STAM2: variants seen among roughly 807,000 people sequenced by gnomAD.
The protein encoded by STAM2 is signal transducing adaptor molecule 2.
A neutral mutation model predicts 65.6 loss-of-function variants in STAM2; 51 were observed. The ratio of observed to expected loss-of-function variants is 0.78; its 90% confidence interval spans 0.62 to 0.98. The LOEUF is 0.98. Ranked by LOEUF, STAM2 falls within the 50% of genes least tolerant of loss-of-function variation. The pLI is 0.00. For missense variants in STAM2, 584 were observed against 617.8 expected (o/e 0.95, Z 0.58); for synonymous variants, 198 against 208.4 (o/e 0.95, Z 0.43).
chr2:152,163,662 G>A (rs1292603489), intron 1 of STAM2, among the ~76,000 whole-genome samples: 1 of 152,208 alleles, frequency 6.6e-6, no homozygotes, highest in Non-Finnish European at 1.5e-5. Flanking sequence ...ATAAACAGAT[G>A]TGCAAGTAGG....
At chr2:152,173,728 G>A (rs975869751) in intron 1 of STAM2, among the ~76,000 whole-genome samples, 1 of 152,092 alleles carries the variant, frequency 6.6e-6, no homozygotes, top group African/African-American at 2.4e-5. Context: ...GAAATGAAAA[G>A]TTTTAAGATA....
chr2:152,164,105 G>A (rs1414539327), intron 1 of STAM2, among the ~76,000 whole-genome samples: 2 of 152,132 alleles, frequency 1.3e-5, no homozygotes, highest in East Asian at 3.9e-4. Flanking sequence ...TGCAGCTCTG[G>A]TGGGGCATTA....
intron 5 of STAM2, 114 bp downstream of exon 5, chr2:152,147,048 T>G: frequency 1.0e-6 from 1 of 986,012 alleles, no homozygotes; most frequent in Non-Finnish European, 1.4e-6. Flanking sequence ...AGAGAGTCAT[T>G]TGGGAAGTAA....
chr2:152,132,000 A>C, intron 11 of STAM2, 114 bp downstream of exon 11: 2 of 643,488 alleles, frequency 3.1e-6, no homozygotes, highest in East Asian at 3.1e-5. Context: ...GAAACTGAAA[A>C]ACAATTTCCA....
chr2:152,170,695 C>T (rs1689882650), intron 1 of STAM2, among the ~76,000 whole-genome samples: 1 of 152,050 alleles, frequency 6.6e-6, no homozygotes, highest in African/African-American at 2.4e-5. Context: ...GAATAACTCT[C>T]ACGAAGAAAT....
intron 1 of STAM2, among the ~76,000 whole-genome samples, chr2:152,159,385 T>TC (rs1689617165): frequency 6.6e-6 from 1 of 151,846 alleles, no homozygotes; most frequent in South Asian, 2.1e-4. Context: ...TGAGTAGAAT[T>TC]AATTTGCATA....
At chr2:152,134,313 C>A (rs1689114440) in intron 8 of STAM2, among the ~76,000 whole-genome samples, 1 of 152,104 alleles carries the variant, frequency 6.6e-6, no homozygotes, top group South Asian at 2.1e-4. Flanking sequence ...TACTCTCCAG[C>A]CTATGTCAAG....
chr2:152,170,482 CA>C (rs111603376), intron 1 of STAM2, among the ~76,000 whole-genome samples: 47,287 of 101,698 alleles, frequency 0.46, 8,076 homozygotes, highest in East Asian at 0.81. Context: ...GACTCCGTCT[CA>C]AAAAAAAAAA....
intron 7 of STAM2, among the ~76,000 whole-genome samples, chr2:152,136,764 A>T (rs191892420): frequency 1.1e-4 from 17 of 152,266 alleles, no homozygotes; most frequent in Non-Finnish European, 7.4e-5. Flanking sequence ...ATTTAGGTTG[A>T]TTCCAGTCTT....
intron 1 of STAM2, among the ~76,000 whole-genome samples, chr2:152,158,258 C>T (rs781557336): frequency 1.3e-5 from 2 of 152,192 alleles, no homozygotes; most frequent in African/African-American, 2.4e-5. Flanking sequence ...GGGTGGATCA[C>T]GAGGTCAAGA....
At chr2:152,164,673 T>C (rs1163149154) in intron 1 of STAM2, among the ~76,000 whole-genome samples, 1 of 152,108 alleles carries the variant, frequency 6.6e-6, no homozygotes, top group Non-Finnish European at 1.5e-5. Context: ...CATATAATAA[T>C]ACAATATATT....
At chr2:152,140,023 A>G (rs571091305) in intron 7 of STAM2, among the ~76,000 whole-genome samples, 2 of 152,316 alleles carry the variant, frequency 1.3e-5, no homozygotes, top group African/African-American at 4.8e-5. Flanking sequence ...GCATCTGTGG[A>G]TTTTGGTATC....
chr2:152,132,623 T>C (rs1160645100), intron 10 of STAM2, among the ~76,000 whole-genome samples: 1 of 152,138 alleles, frequency 6.6e-6, no homozygotes, highest in Non-Finnish European at 1.5e-5. Flanking sequence ...CAACGCTGTA[T>C]TCTATATTCA....
At chr2:152,147,037 TAG>T (rs879393817) in intron 5 of STAM2, 123 bp downstream of exon 5, 1 of 888,936 alleles carries the variant, frequency 1.1e-6, no homozygotes, top group South Asian at 2.2e-5. Flanking sequence ...GGCACTATGC[TAG>T]AGAGTCATTT....
intron 1 of STAM2, among the ~76,000 whole-genome samples, chr2:152,161,255 A>G (rs1447786524): frequency 6.6e-6 from 1 of 151,264 alleles, no homozygotes; most frequent in Non-Finnish European, 1.5e-5. Flanking sequence ...GAATGGATTA[A>G]GGGCGGTGCA....
At chr2:152,155,795 C>G (rs992596770) in intron 1 of STAM2, among the ~76,000 whole-genome samples, 1 of 152,150 alleles carries the variant, frequency 6.6e-6, no homozygotes, top group Non-Finnish European at 1.5e-5. Flanking sequence ...TATTATTCCC[C>G]TTTCACATGT....
chr2:152,152,329 C>T (rs1689461547), intron 1 of STAM2, among the ~76,000 whole-genome samples: 2 of 152,010 alleles, frequency 1.3e-5, no homozygotes, highest in African/African-American at 4.8e-5. Flanking sequence ...GTGGGCAGAT[C>T]ACGAGGTCAG....
At chr2:152,138,664 G>T (rs1489457451) in intron 7 of STAM2, among the ~76,000 whole-genome samples, 1 of 152,166 alleles carries the variant, frequency 6.6e-6, no homozygotes. Flanking sequence ...AGAAAGAGAC[G>T]AAAGAGTTAT....
intron 1 of STAM2, among the ~76,000 whole-genome samples, chr2:152,168,127 T>G (rs572008642): frequency 6.6e-6 from 1 of 151,994 alleles, no homozygotes; most frequent in Admixed American, 6.6e-5. Flanking sequence ...TAACCAGAGT[T>G]TGATATCCTA....
Sources: allele counts gnomAD v4.1 joint callset (sites outside exome capture counted in the v4.1 genomes callset), GRCh38; gene constraint gnomAD v4.1.1; transcripts MANE v1.5; gene names NCBI Gene and HGNC (gene_info 2026-07-23, HGNC 2026-07-21).